The following AGBL4 variants were observed in gnomAD, a reference collection of about 807,000 sequenced individuals.
AGBL4 encodes the protein cytosolic carboxypeptidase 6.
AGBL4 carries 58 observed loss-of-function variants against 66.4 expected under a neutral mutation model. The observed-to-expected ratio is 0.87, with a 90% CI of 0.71 to 1.09. The LOEUF is 1.09. Ranked by LOEUF, AGBL4 falls within the 50% of genes least tolerant of loss-of-function variation. The pLI is 0.00. For missense variants in AGBL4, 579 were observed against 631.0 expected (o/e 0.92, Z 0.88); for synonymous variants, 234 against 222.9 (o/e 1.05, Z -0.44).
chr1:49,874,986 C>T (rs1015081967), intron 1 of AGBL4, among the ~76,000 whole-genome samples: 8 of 99,212 alleles, frequency 8.1e-5, no homozygotes, highest in African/African-American at 3.1e-4. Context: ...TCCCCCCACC[C>T]CACAACAGTC....
chr1:49,420,208 G>T (rs1007938112), intron 3 of AGBL4, among the ~76,000 whole-genome samples: 2 of 152,138 alleles, frequency 1.3e-5, no homozygotes, highest in South Asian at 4.1e-4. Context: ...GAAACAGGCT[G>T]ATAAAGATGA....
At chr1:49,736,596 C>T (rs959009610) in intron 2 of AGBL4, among the ~76,000 whole-genome samples, 17 of 152,074 alleles carry the variant, frequency 1.1e-4, no homozygotes, top group African/African-American at 4.1e-4. Flanking sequence ...GTAGTGTCGA[C>T]ATCAACCTTG....
At chr1:48,944,720 G>A (rs1023621153) in intron 5 of AGBL4, among the ~76,000 whole-genome samples, 1 of 151,990 alleles carries the variant, frequency 6.6e-6, no homozygotes, top group Admixed American at 6.6e-5. Flanking sequence ...TTCTAATACT[G>A]TCTTGCCCTT....
intron 5 of AGBL4, among the ~76,000 whole-genome samples, chr1:48,972,834 T>C (rs1238294546): frequency 6.6e-6 from 1 of 152,152 alleles, no homozygotes; most frequent in Admixed American, 6.6e-5. Context: ...AAAGAAAAGA[T>C]AACTAATTTG....
At chr1:49,140,995 C>T (rs1421611483) in intron 4 of AGBL4, among the ~76,000 whole-genome samples, 2 of 152,006 alleles carry the variant, frequency 1.3e-5, no homozygotes, top group Non-Finnish European at 2.9e-5. Context: ...TAAGAAACTG[C>T]TTTAATTACT....
At chr1:48,826,316 A>C (rs1281670851) in intron 6 of AGBL4, among the ~76,000 whole-genome samples, 1 of 152,210 alleles carries the variant, frequency 6.6e-6, no homozygotes, top group Non-Finnish European at 1.5e-5. Flanking sequence ...ACAAAATAAA[A>C]GGTGTGAAGG....
chr1:49,147,290 A>G (rs1446257010), intron 4 of AGBL4, among the ~76,000 whole-genome samples: 4 of 152,144 alleles, frequency 2.6e-5, no homozygotes, highest in Non-Finnish European at 5.9e-5. Flanking sequence ...GCAGATTTAA[A>G]CCCAGAGCTC....
At chr1:49,915,235 G>A (rs778685686) in intron 1 of AGBL4, among the ~76,000 whole-genome samples, 1 of 152,104 alleles carries the variant, frequency 6.6e-6, no homozygotes, top group Non-Finnish European at 1.5e-5. Context: ...TGGACAGTGG[G>A]TGCAGGACAG....
intron 1 of AGBL4, among the ~76,000 whole-genome samples, chr1:49,972,385 A>G (rs908918931): frequency 1.3e-5 from 2 of 151,768 alleles, no homozygotes; most frequent in Admixed American, 1.3e-4. Flanking sequence ...ATGTGTACCC[A>G]TTGTTTAGTC....
chr1:48,824,180 C>G (rs12120183), intron 6 of AGBL4, among the ~76,000 whole-genome samples: 10,632 of 152,202 alleles, frequency 0.07, 510 homozygotes, highest in East Asian at 0.17. Flanking sequence ...AAAGTCAAAC[C>G]TATTTTTCTG....
chr1:49,823,450 T>C (rs1226399809), intron 2 of AGBL4, among the ~76,000 whole-genome samples: 1 of 152,198 alleles, frequency 6.6e-6, no homozygotes, highest in African/African-American at 2.4e-5. Context: ...TGGTTGTTCC[T>C]TGCTGGTAAT....
intron 3 of AGBL4, among the ~76,000 whole-genome samples, chr1:49,452,968 A>G (rs747227270): frequency 6.6e-6 from 1 of 151,934 alleles, no homozygotes; most frequent in Non-Finnish European, 1.5e-5. Context: ...ATAGTCAGGC[A>G]CATAGTAGAT....
At chr1:49,014,759 C>G (rs1041354214) in intron 5 of AGBL4, among the ~76,000 whole-genome samples, 23 of 152,220 alleles carry the variant, frequency 1.5e-4, no homozygotes, top group Non-Finnish European at 4.4e-5. Flanking sequence ...GTCATTCTCT[C>G]TCTCATGGAG....
At chr1:49,202,288 T>C (rs962002839) in intron 4 of AGBL4, among the ~76,000 whole-genome samples, 1 of 152,160 alleles carries the variant, frequency 6.6e-6, no homozygotes, top group African/African-American at 2.4e-5. Context: ...TATTTGCCCA[T>C]ATAGAATATC....
At chr1:48,964,990 T>C (rs555349819) in intron 5 of AGBL4, among the ~76,000 whole-genome samples, 68 of 152,312 alleles carry the variant, frequency 4.5e-4, no homozygotes, top group African/African-American at 1.2e-3. Context: ...CTTTCCACTA[T>C]ATCACACTAC....
chr1:48,785,823 C>A (rs949032058), intron 6 of AGBL4, among the ~76,000 whole-genome samples: 3 of 152,188 alleles, frequency 2.0e-5, no homozygotes, highest in African/African-American at 7.2e-5. Flanking sequence ...TAACCCCCTA[C>A]TTAGTTAAGG....
intron 4 of AGBL4, among the ~76,000 whole-genome samples, chr1:49,073,043 C>T (rs768866696): frequency 4.6e-5 from 7 of 152,076 alleles, no homozygotes; most frequent in South Asian, 4.1e-4. Context: ...ATTCAGCTAC[C>T]GAAGCTTGCA....
At chr1:49,591,536 C>T (rs557888376) in intron 3 of AGBL4, among the ~76,000 whole-genome samples, 36 of 152,214 alleles carry the variant, frequency 2.4e-4, no homozygotes, top group African/African-American at 8.7e-4. Context: ...TAATTCAATG[C>T]TATTCCTATC....
At chr1:48,581,574 A>T (rs180890144) in intron 11 of AGBL4, among the ~76,000 whole-genome samples, 158 of 152,338 alleles carry the variant, frequency 1.0e-3, no homozygotes, top group African/African-American at 3.7e-3. Context: ...AAATCGTTTG[A>T]ACAGAGCATA....
Sources: allele counts gnomAD v4.1 joint callset (sites outside exome capture counted in the v4.1 genomes callset), GRCh38; gene constraint gnomAD v4.1.1; transcripts MANE v1.5; gene names NCBI Gene and HGNC (gene_info 2026-07-23, HGNC 2026-07-21).